SHANK2: variants seen among roughly 807,000 people sequenced by gnomAD.
The protein encoded by SHANK2 is SH3 and multiple ankyrin repeat domains 2.
In SHANK2, 43 loss-of-function variants were observed where a neutral mutation model predicts 133.7. That is an observed-to-expected ratio of 0.32 (90% CI 0.25 to 0.41). SHANK2 has a LOEUF of 0.41. SHANK2 is among the 10% of genes least tolerant of loss of function. SHANK2 has a pLI of 1.00. For synonymous variants in SHANK2, 1,017 were observed against 952.8 expected, an observed-to-expected ratio of 1.07 and a Z score of -1.24; for missense variants, 1,994 against 2,235.8, an observed-to-expected ratio of 0.89 and a Z score of 2.18.
At chr11:70,617,221 TTGTG>T (rs145833674) in intron 17 of SHANK2, among the ~76,000 whole-genome samples, 3 of 151,680 alleles carry the variant, frequency 2.0e-5, no homozygotes, top group African/African-American at 4.8e-5. Context: ...TCTGAGTGTG[TTGTG>T]TGTGTGTGCA....
chr11:70,729,842 T>A (rs1276906142), intron 14 of SHANK2, among the ~76,000 whole-genome samples: 1 of 150,782 alleles, frequency 6.6e-6, no homozygotes, highest in Non-Finnish European at 1.5e-5. Flanking sequence ...CTGCACTGTG[T>A]ACTTTAAAAA....
chr11:70,567,684 C>T (rs932474810), intron 17 of SHANK2, among the ~76,000 whole-genome samples: 1 of 151,756 alleles, frequency 6.6e-6, no homozygotes. Flanking sequence ...CATAGACAGA[C>T]GACTACGGGA....
At chr11:71,076,233 A>G (rs1355051501) in intron 8 of SHANK2, among the ~76,000 whole-genome samples, 1 of 152,116 alleles carries the variant, frequency 6.6e-6, no homozygotes, top group African/African-American at 2.4e-5. Flanking sequence ...CTGACCTAAC[A>G]CATCTCAATC....
rs535601074 is a variant in SHANK2 at position 70,612,707 on chromosome 11, A to G, written c.2061+47121T>C. On this transcript the variant is annotated intron_variant, in intron 17 of 25. Coordinates refer to ENST00000601538, the MANE Select transcript of SHANK2 (RefSeq NM_012309.5). ...TCTGCGCGTGCAATTCCCGCGCTCT[A>G]TCTAGCACTCACTGTCACCTGCTCA... 1.1e-4 allele frequency among the ~76,000 whole-genome samples: 17 copies of G among 152,358 alleles called. 1 individual carries two copies. In the South Asian group the frequency reaches 3.3e-3, roughly 30 times the overall value.
chr11:70,665,897 G>A (rs782473484), intron 15 of SHANK2, among the ~76,000 whole-genome samples: 1 of 152,126 alleles, frequency 6.6e-6, no homozygotes, highest in Non-Finnish European at 1.5e-5. Context: ...TCCCCTCTGA[G>A]CTTGTCTCTT....
chr11:70,550,777 C>A (rs1192149280), intron 17 of SHANK2, among the ~76,000 whole-genome samples: 1 of 152,192 alleles, frequency 6.6e-6, no homozygotes, highest in African/African-American at 2.4e-5. Flanking sequence ...CTCTCCCAGG[C>A]AGTCAGCGGG....
Position 71,148,335 on chromosome 11 carries a change from T to C in SHANK2, c.-12-997A>G, listed in dbSNP as rs1441222858. ...CCAACCTCAGGTGATCCACCCGCCTTGGCCTCCCAAAGTACTGGGATTACA... is the reference window on the plus strand; with the variant it reads ...CCAACCTCAGGTGATCCACCCGCCTCGGCCTCCCAAAGTACTGGGATTACA... On this transcript the variant is annotated intron_variant, in intron 2 of 25. Transcript: ENST00000601538. Among the ~76,000 whole-genome samples the C allele has an allele frequency of 5.3e-5, 8 of 152,158 alleles. 1 individual carries two copies.
intron 14 of SHANK2, among the ~76,000 whole-genome samples, chr11:70,717,310 AG>A (rs1945956697): frequency 6.6e-6 from 1 of 152,178 alleles, no homozygotes; most frequent in African/African-American, 2.4e-5. Flanking sequence ...CTTACTAGGA[AG>A]AGATGTATGA....
intron 2 of SHANK2, among the ~76,000 whole-genome samples, chr11:71,201,249 G>C (rs1270574708): frequency 4.6e-5 from 7 of 152,214 alleles, no homozygotes; most frequent in Non-Finnish European, 4.4e-5. Flanking sequence ...CAAAGCGGTG[G>C]AAATCTGAGG....
At position 71,210,238 on chromosome 11, in the gene SHANK2, ATATATATATATATATT is replaced by A. The variant is rs1237496627; in HGVS notation, c.-13+14443_-13+14458del. Among the ~76,000 whole-genome samples, 9 of 102,624 alleles carry A rather than the reference ATATATATATATATATT, an allele frequency of 8.8e-5. No individual in the cohort carries two copies. The South Asian group carries it at 8.8e-4, about 10-fold the overall frequency. The allele number at this position is 102,624 out of a possible 152,430, so 67.3% of individuals were successfully genotyped here. A position where few individuals can be genotyped will look rare whatever the true frequency, so the allele number is the denominator to read the frequency against. On this transcript the variant is annotated intron_variant, in intron 2 of 25. Coordinates refer to ENST00000601538, the MANE Select transcript of SHANK2 (RefSeq NM_012309.5). The stretch of plus-strand genomic sequence containing the variant: ...TATATATATATATATATATATATAT[ATATATATATATATATT>A]TATTTATTTTTTGAAACAGAGTCTC...
At chr11:70,812,311 G>T (rs568364886) in intron 12 of SHANK2, among the ~76,000 whole-genome samples, 15 of 152,342 alleles carry the variant, frequency 9.8e-5, no homozygotes. Flanking sequence ...TGGTGTACAC[G>T]GTTGCAGGCA....
At chr11:70,720,476 G>T (rs1555028742) in intron 14 of SHANK2, among the ~76,000 whole-genome samples, 1 of 152,224 alleles carries the variant, frequency 6.6e-6, no homozygotes, top group Non-Finnish European at 1.5e-5. Flanking sequence ...TGGGGATGGA[G>T]AAAGTGCCAG....
intron 2 of SHANK2, among the ~76,000 whole-genome samples, chr11:71,190,455 C>T (rs1555115183): frequency 6.6e-6 from 1 of 152,214 alleles, no homozygotes; most frequent in East Asian, 1.9e-4. Flanking sequence ...GAACTAACCC[C>T]TGCAATGGGA....
At chr11:70,925,934 G>A (rs556739335) in intron 10 of SHANK2, among the ~76,000 whole-genome samples, 23 of 152,262 alleles carry the variant, frequency 1.5e-4, no homozygotes, top group Admixed American at 6.5e-4. Flanking sequence ...AGTTTTATGT[G>A]TACTCTTGAT....
intron 17 of SHANK2, among the ~76,000 whole-genome samples, chr11:70,629,676 C>T (rs1388036052): frequency 2.6e-5 from 4 of 152,178 alleles, no homozygotes; most frequent in Non-Finnish European, 4.4e-5. Flanking sequence ...GGGGGTGCTG[C>T]CGTCAGGAAG....
chr11:70,487,600 G>A lies in SHANK2; in HGVS notation c.2693C>T (p.Pro898Leu), dbSNP rs535332405. The change falls in exon 25 of 26, where the codon CCA becomes CTA. Residue 898 changes from proline (P) to leucine (L), a missense_variant. Physicochemically the swap from Pro to Leu is moderately conservative, Grantham distance 98. Coordinates refer to ENST00000601538, the MANE Select transcript of SHANK2 (RefSeq NM_012309.5). The surrounding 1 kb of genome is among the most constrained non-coding windows in gnomAD (Gnocchi z 5.8). ...GTAAGTGGTTGGGGAAGGTGGTGGTGGGGACGGGGGCACAGACTGCGGTGG... is the reference window on the plus strand; with the variant it reads ...GTAAGTGGTTGGGGAAGGTGGTGGTAGGGACGGGGGCACAGACTGCGGTGG... ...PPPPQSVPPS[P>L]PPPSPTTYNC... 3.1e-6 allele frequency: 5 copies of A among 1,611,992 alleles called. No homozygotes were observed. The highest frequency in any genetic ancestry group is 1.3e-5 in the African/African-American group (1 of 74,964).
At chr11:71,140,153 G>A (rs1952526377) in intron 3 of SHANK2, among the ~76,000 whole-genome samples, 1 of 152,218 alleles carries the variant, frequency 6.6e-6, no homozygotes, top group Non-Finnish European at 1.5e-5. Context: ...TTGTTGCTGA[G>A]AGCTCACACC....
chr11:70,781,558 TTATATATA>T lies in SHANK2; in HGVS notation c.1777+16877_1777+16884del, dbSNP rs1273792106. Among the ~76,000 whole-genome samples, 201 of 28,970 alleles carry T rather than the reference TTATATATA, an allele frequency of 6.9e-3. 17 individuals carry two copies. Among genetic ancestry groups the T allele is most frequent in the South Asian group, 0.033 (18 of 544 alleles). The allele number at this position is 28,970 out of a possible 152,430, so 19.0% of individuals were successfully genotyped here. On this transcript the variant is annotated intron_variant, in intron 14 of 25. Coordinates refer to ENST00000601538, the MANE Select transcript of SHANK2 (RefSeq NM_012309.5). ...AAGCAGCTTGCAATTTACTTACTTATTATATATATATATATATATATATATTTACTTAT... is the reference window on the plus strand; with the variant it reads ...AAGCAGCTTGCAATTTACTTACTTATTATATATATATATATATTTACTTAT...
At chr11:70,875,390 T>A (rs1590785794) in intron 11 of SHANK2, among the ~76,000 whole-genome samples, 1 of 150,354 alleles carries the variant, frequency 6.7e-6, no homozygotes, top group African/African-American at 2.4e-5. Flanking sequence ...CCAGGCGTGG[T>A]GGCAGGCGCC....
Sources: allele counts gnomAD v4.1 joint callset (sites outside exome capture counted in the v4.1 genomes callset), GRCh38; gene constraint gnomAD v4.1.1; non-coding constraint Gnocchi (gnomAD v3.1); transcripts MANE v1.5; gene names NCBI Gene and HGNC (gene_info 2026-07-23, HGNC 2026-07-21).